The following ATP13A5 variants were observed in gnomAD, a reference collection of about 807,000 sequenced individuals.
The protein encoded by ATP13A5 is ATPase 13A5.
Under a neutral mutation model 150.2 loss-of-function variants are expected in ATP13A5, and 149 were observed. That is an observed-to-expected ratio of 0.99 (90% CI 0.87 to 1.14). The LOEUF (loss-of-function observed/expected upper bound fraction) is 1.14, where lower values mean the gene tolerates loss of function less well. Ranked by LOEUF, ATP13A5 falls within the 50% of genes most tolerant of loss-of-function variation. ATP13A5 has a pLI of 0.00. For synonymous variants in ATP13A5, 497 were observed against 522.2 expected (o/e 0.95, Z 0.66); for missense variants, 1,383 against 1,449.3 (o/e 0.95, Z 0.74).
At chr3:193,308,850 A>C (rs146641261) in intron 21 of ATP13A5, among the ~76,000 whole-genome samples, 1 of 152,230 alleles carries the variant, frequency 6.6e-6, no homozygotes, top group Non-Finnish European at 1.5e-5. Flanking sequence ...CATTTGAAAA[A>C]GGTAAAATTA....
chr3:193,294,966 C>A (rs1718106004), intron 25 of ATP13A5, among the ~76,000 whole-genome samples: 1 of 152,118 alleles, frequency 6.6e-6, no homozygotes, highest in Non-Finnish European at 1.5e-5. Context: ...CACTGCCCAG[C>A]ATCCTAAGAG....
At chr3:193,285,473 G>C (rs936806205) in intron 26 of ATP13A5, among the ~76,000 whole-genome samples, 2 of 152,144 alleles carry the variant, frequency 1.3e-5, no homozygotes, top group African/African-American at 4.8e-5. Context: ...TGAGTTTTGA[G>C]TTTGAGTCTG....
At chr3:193,374,849 G>A (rs1398349215) in intron 1 of ATP13A5, among the ~76,000 whole-genome samples, 2 of 152,096 alleles carry the variant, frequency 1.3e-5, no homozygotes, top group African/African-American at 2.4e-5. Flanking sequence ...CACCCTAGTG[G>A]GTTAGTTATT....
intron 23 of ATP13A5, among the ~76,000 whole-genome samples, chr3:193,304,694 G>A (rs1284016032): frequency 6.6e-6 from 1 of 152,190 alleles, no homozygotes; most frequent in African/African-American, 2.4e-5. Context: ...AGAGTGGAGT[G>A]GAGGGGAGGG....
rs1255865464 is a variant in ATP13A5, at chr3:193,275,289, T to C, written c.3410A>G (p.Gln1137Arg). 6.2e-7 allele frequency: 1 copy of C among 1,613,412 alleles called. No homozygotes were observed. The highest frequency in any genetic ancestry group is 8.5e-7 in the Non-Finnish European group (1 of 1,179,968). ...VAFFVEDSIL[Q>R]NHELWLLIKR... ...GATCAACAGCCAGAGTTCATGATTT[T>C]GAAGGATGGAATCCTGAAAAATCAG... Residue 1137 changes from glutamine (Q) to arginine (R), a missense_variant, in exon 30 of 30, where the codon CAA (glutamine) becomes CGA (arginine). Transcript: ENST00000342358.
At chr3:193,337,355 G>A (rs1159049389) in intron 9 of ATP13A5, among the ~76,000 whole-genome samples, 1 of 152,126 alleles carries the variant, frequency 6.6e-6, no homozygotes, top group African/African-American at 2.4e-5. Context: ...TTCTTCTAGG[G>A]TTTTTATGGT....
chr3:193,301,098 A>G (rs947744585), intron 24 of ATP13A5, 113 bp downstream of exon 24: 9 of 926,834 alleles, frequency 9.7e-6, no homozygotes, highest in Middle Eastern at 2.8e-4. Flanking sequence ...ACCTATTTTG[A>G]GAAATGTCAT....
chr3:193,353,506 A>C (rs1053237187), intron 6 of ATP13A5, among the ~76,000 whole-genome samples: 34 of 152,216 alleles, frequency 2.2e-4, no homozygotes, highest in Non-Finnish European at 7.3e-5. Flanking sequence ...CTGTGGACTG[A>C]ACATTTGTGT....
At chr3:193,369,105 A>G (rs944549001) in intron 1 of ATP13A5, among the ~76,000 whole-genome samples, 1 of 151,860 alleles carries the variant, frequency 6.6e-6, no homozygotes, top group East Asian at 1.9e-4. Context: ...TTAGCCAGCA[A>G]TGGTGGTGCA....
intron 27 of ATP13A5, among the ~76,000 whole-genome samples, chr3:193,279,794 G>A (rs1047956337): frequency 2.0e-5 from 3 of 151,838 alleles, no homozygotes; most frequent in Admixed American, 6.6e-5. Flanking sequence ...ATTCTTCCCC[G>A]TTGCCTGGAG....
chr3:193,320,202 T>G (rs148517866), intron 16 of ATP13A5, among the ~76,000 whole-genome samples: 5 of 152,362 alleles, frequency 3.3e-5, no homozygotes, highest in African/African-American at 1.2e-4. Flanking sequence ...ATGTTCAGTC[T>G]CCCTTCTGCA....
chr3:193,312,512 C>G (rs1204692423), intron 19 of ATP13A5, among the ~76,000 whole-genome samples: 2 of 152,172 alleles, frequency 1.3e-5, no homozygotes, highest in Non-Finnish European at 2.9e-5. Flanking sequence ...TTTCCGAAAC[C>G]CTTTCCCTCC....
chr3:193,341,867 G>C (rs1712141850), intron 9 of ATP13A5, among the ~76,000 whole-genome samples: 1 of 152,188 alleles, frequency 6.6e-6, no homozygotes, highest in Admixed American at 6.5e-5. Context: ...GAGGAGAAGA[G>C]CTTACCAAAA....
At position 193,336,327 on chromosome 3, in the gene ATP13A5, T is replaced by C. The variant is rs1021273736; in HGVS notation, c.944-1228A>G. The stretch of plus-strand genomic sequence containing the variant: ...TATGTATACATGTGCCATGCTGGTG[T>C]GCTGCACCCATTAAATCATAATTTA... On this transcript the variant is annotated intron_variant, in intron 9 of 29. Coordinates refer to ENST00000342358, the MANE Select transcript of ATP13A5 (RefSeq NM_198505.4). Among the ~76,000 whole-genome samples the C allele has an allele frequency of 6.6e-5, 10 of 152,304 alleles. 1 individual carries two copies. In the Middle Eastern group the frequency reaches 0.01, roughly 155 times the overall value.
At chr3:193,336,532 C>G (rs1309011290) in intron 9 of ATP13A5, among the ~76,000 whole-genome samples, 1 of 152,118 alleles carries the variant, frequency 6.6e-6, no homozygotes, top group Non-Finnish European at 1.5e-5. Context: ...TGATGGTTTC[C>G]AGCTTCATCC....
intron 7 of ATP13A5, among the ~76,000 whole-genome samples, chr3:193,348,332 G>T (rs1293546312): frequency 6.6e-6 from 1 of 152,134 alleles, no homozygotes; most frequent in East Asian, 1.9e-4. Context: ...TGTCGTGGCT[G>T]GATTTCCTCT....
intron 12 of ATP13A5, among the ~76,000 whole-genome samples, chr3:193,328,215 C>T (rs1455066083): frequency 6.6e-6 from 1 of 152,188 alleles, no homozygotes; most frequent in African/African-American, 2.4e-5. Context: ...TTAAGTGAAT[C>T]ATACGGGGTA....
At position 193,321,751 on chromosome 3, in the gene ATP13A5, C is replaced by T; in HGVS notation, c.1845G>A (p.Gly615=). 6.2e-7 allele frequency: 1 copy of T among 1,614,166 alleles called. No homozygotes were observed. The highest frequency in any genetic ancestry group is 1.1e-5 in the South Asian group (1 of 91,076). The change falls in exon 16 of 30, where the codon GGG becomes GGA. Residue 615 remains glycine, a synonymous_variant. Coordinates refer to ENST00000342358, the MANE Select transcript of ATP13A5 (RefSeq NM_198505.4). ...QRMSVIAQLA[G]ENHFHVYMKG... is the part of the protein sequence containing the mutation. ...TCATGTAGACATGGAAATGATTCTC[C>T]CCAGCTAGCTGAGCGATCACGGACA...
At chr3:193,339,998 G>A (rs954540706) in intron 9 of ATP13A5, among the ~76,000 whole-genome samples, 2 of 152,150 alleles carry the variant, frequency 1.3e-5, no homozygotes, top group African/African-American at 2.4e-5. Flanking sequence ...TCTCTTTTAT[G>A]CTATTTGCAT....
Sources: allele counts gnomAD v4.1 joint callset (sites outside exome capture counted in the v4.1 genomes callset), GRCh38; gene constraint gnomAD v4.1.1; transcripts MANE v1.5; gene names NCBI Gene and HGNC (gene_info 2026-07-23, HGNC 2026-07-21).